POU6F2: variants seen among roughly 807,000 people sequenced by gnomAD.
POU6F2 encodes the protein POU domain, class 6, transcription factor 2.
POU6F2 carries 31 observed loss-of-function variants against 71.3 expected under a neutral mutation model. The ratio of observed to expected loss-of-function variants is 0.43; its 90% CI spans 0.33 to 0.59. The LOEUF is 0.59. Among genes scored for constraint, POU6F2 ranks in the 20% least tolerant of loss-of-function variants. The pLI is 0.04. For missense variants in POU6F2, 783 were observed against 856.8 expected (o/e 0.91, Z 1.07); for synonymous variants, 347 against 355.7 (o/e 0.98, Z 0.27).
chr7:39,319,373 C>T (rs746404845), intron 4 of POU6F2, among the ~76,000 whole-genome samples: 2 of 152,136 alleles, frequency 1.3e-5, no homozygotes, highest in East Asian at 1.9e-4. Context: ...GCTTCACGCT[C>T]GCTGGACTTG....
rs1455489015 is a variant in POU6F2 at position 39,464,323 on chromosome 7, C to G, written c.1800C>G (p.Ala600=). The change falls in exon 10 of 10, where the codon GCC becomes GCG. Residue 600 remains alanine, a synonymous_variant. Transcript: ENST00000518318. The surrounding 1 kb of genome is among the most constrained non-coding windows in gnomAD (Gnocchi z 4.1). ...AGCTGGACATCACCCCTAAAAGTGC[C>G]CAGAAGATCAAGCCGGTGCTTGAGC... ...FEKLDITPKS[A]QKIKPVLERW... 4.3e-6 allele frequency: 7 copies of G among 1,613,884 alleles called. No individual in the cohort carries two copies. Among genetic ancestry groups the G allele is most frequent in the Middle Eastern group, 1.6e-4 (1 of 6,084 alleles).
chr7:39,128,108 T>C (rs540216788), intron 2 of POU6F2, among the ~76,000 whole-genome samples: 1 of 152,176 alleles, frequency 6.6e-6, no homozygotes, highest in South Asian at 2.1e-4. Context: ...CCCAAAGTGC[T>C]AGGATTACAG....
intron 4 of POU6F2, among the ~76,000 whole-genome samples, chr7:39,312,681 A>T (rs965879416): frequency 1.1e-4 from 17 of 152,226 alleles, no homozygotes; most frequent in African/African-American, 4.1e-4. Context: ...AATGGCCAGC[A>T]TCACTACTCT....
At chr7:39,126,419 G>T (rs1792138884) in intron 2 of POU6F2, among the ~76,000 whole-genome samples, 1 of 152,198 alleles carries the variant, frequency 6.6e-6, no homozygotes, top group Non-Finnish European at 1.5e-5. Flanking sequence ...GTTTGTTCTG[G>T]TGTCTAGTCT....
chr7:39,452,485 G>A (rs1788684778), intron 8 of POU6F2, among the ~76,000 whole-genome samples: 1 of 152,140 alleles, frequency 6.6e-6, no homozygotes, highest in Admixed American at 6.5e-5. Context: ...ATTCACCAGG[G>A]ACCAAAAATC....
intron 2 of POU6F2, among the ~76,000 whole-genome samples, chr7:39,090,789 A>T (rs564074695): frequency 1.3e-5 from 2 of 152,346 alleles, no homozygotes; most frequent in East Asian, 3.9e-4. Context: ...TTTTAAATCA[A>T]CTAAATAATT....
In POU6F2 at chr7:39,401,353, A is replaced by T. The variant is rs6462915; in HGVS notation, c.973-5247A>T. Among the ~76,000 whole-genome samples, 24 of 152,192 alleles carry T rather than the reference A, an allele frequency of 1.6e-4. 1 individual carries two copies. Among genetic ancestry groups the T allele is most frequent in the Non-Finnish European group, 3.2e-4 (22 of 68,030 alleles). On this transcript the variant is annotated intron_variant, in intron 5 of 9. Transcript: ENST00000518318. ...ACAGTGAGCAGCAAATCCTGGCTCA[A>T]TACTGGAACTCACAAAACAGGTTTT...
intron 5 of POU6F2, chr7:39,373,589 A>G: frequency 6.6e-6 from 3 of 455,664 alleles, no homozygotes; most frequent in South Asian, 4.7e-5. Context: ...AGAACTGCCT[A>G]CCTAGTCTAG....
intron 4 of POU6F2, among the ~76,000 whole-genome samples, chr7:39,215,060 G>A (rs10253095): frequency 0.5 from 76,346 of 152,156 alleles, 19,591 homozygotes; most frequent in East Asian, 0.81. Flanking sequence ...GAAGCAGGAA[G>A]GAGGCCGAAA....
chr7:39,175,552 A>G (rs151033936), intron 2 of POU6F2, among the ~76,000 whole-genome samples: 1 of 152,328 alleles, frequency 6.6e-6, no homozygotes, highest in Non-Finnish European at 1.5e-5. Flanking sequence ...GGCCCCTGAA[A>G]ACATTTTAAT....
rs559795963 is a variant in POU6F2 at position 39,132,506 on chromosome 7, A to G, written c.277+46475A>G. 2.0e-5 allele frequency: 3 copies of G among 152,346 alleles called. No homozygotes were observed. The East Asian group carries it at 5.8e-4, about 29-fold the overall frequency. The allele number at this position is 152,346 out of a possible 1,614,324, so 9.4% of individuals were successfully genotyped here. ...TGTTCCTAAAGTGGAACCAGTGTGTACCAGCCCAGCACAAAGTCAGCACTC... is the reference window on the plus strand; with the variant it reads ...TGTTCCTAAAGTGGAACCAGTGTGTGCCAGCCCAGCACAAAGTCAGCACTC... On this transcript the variant is annotated intron_variant, in intron 2 of 9. Coordinates refer to ENST00000518318, the MANE Select transcript of POU6F2 (RefSeq NM_001370959.1).
intron 2 of POU6F2, among the ~76,000 whole-genome samples, chr7:39,107,558 G>A (rs1310868644): frequency 6.6e-6 from 1 of 152,140 alleles, no homozygotes; most frequent in Non-Finnish European, 1.5e-5. Context: ...TTTGTAGTCA[G>A]GATTCTGGCA....
intron 5 of POU6F2, among the ~76,000 whole-genome samples, chr7:39,374,118 G>C (rs1317889355): frequency 6.6e-6 from 1 of 152,166 alleles, no homozygotes; most frequent in Non-Finnish European, 1.5e-5. Context: ...ACTGTGAAAA[G>C]TCGCATTAGA....
intron 4 of POU6F2, among the ~76,000 whole-genome samples, chr7:39,261,452 AAGAATC>A (rs1322502588): frequency 6.6e-6 from 1 of 152,226 alleles, no homozygotes. Context: ...GGCCATGATG[AAGAATC>A]AGCTTTTCTG....
At chr7:39,227,730 T>C (rs1023289470) in intron 4 of POU6F2, among the ~76,000 whole-genome samples, 1 of 152,110 alleles carries the variant, frequency 6.6e-6, no homozygotes, top group African/African-American at 2.4e-5. Context: ...AATTTTGTTT[T>C]GTATTTTTAG....
intron 4 of POU6F2, among the ~76,000 whole-genome samples, chr7:39,259,463 A>C (rs1217894559): frequency 6.6e-6 from 1 of 152,154 alleles, no homozygotes; most frequent in African/African-American, 2.4e-5. Flanking sequence ...ATGACTGAGG[A>C]GTCCAAAGAC....
At chr7:39,261,279 G>A (rs112819795) in intron 4 of POU6F2, among the ~76,000 whole-genome samples, 1,878 of 152,234 alleles carry the variant, frequency 0.012, 33 homozygotes, top group African/African-American at 0.042. Flanking sequence ...CTCTTCTTCC[G>A]ACACCCAGGC....
chr7:39,199,930 C>T (rs1285422841), intron 2 of POU6F2, among the ~76,000 whole-genome samples: 1 of 152,190 alleles, frequency 6.6e-6, no homozygotes, highest in Non-Finnish European at 1.5e-5. Context: ...AGAGAATTAA[C>T]TTCTATTATG....
intron 6 of POU6F2, 133 bp from the exon 7 acceptor site, chr7:39,432,944 C>G (rs1372967667): frequency 2.6e-5 from 20 of 777,782 alleles, no homozygotes; most frequent in East Asian, 1.1e-4. Flanking sequence ...ACCACACCCC[C>G]CTCCAGAGCT....
Sources: gnomAD v4.1 joint callset for allele counts (sites outside exome capture counted in the v4.1 genomes callset) on GRCh38, gnomAD v4.1.1 for gene constraint, Gnocchi (gnomAD v3.1) non-coding constraint, MANE v1.5 for transcripts, NCBI Gene and HGNC (gene_info 2026-07-23, HGNC 2026-07-21) for gene names.